Variants in RAPH1 observed in about 807,000 individuals in gnomAD.
RAPH1 encodes the protein Ras association (RalGDS/AF-6) and pleckstrin homology domains 1, also known as ras-associated and pleckstrin homology domains-containing protein 1.
Under a neutral mutation model 88.1 loss-of-function variants are expected in RAPH1, and 18 were observed. That is an observed-to-expected ratio of 0.20 (90% confidence interval 0.14 to 0.30). RAPH1 has a LOEUF of 0.30. Ranked by LOEUF, RAPH1 falls within the 10% of genes least tolerant of loss-of-function variation. The pLI is 1.00. For missense variants in RAPH1, 1,448 were observed against 1,543.2 expected (o/e 0.94, Z 1.03); for synonymous variants, 587 against 559.0 (o/e 1.05, Z -0.71).
intron 1 of RAPH1, among the ~76,000 whole-genome samples, chr2:203,521,086 C>T (rs149228937): frequency 0.029 from 4,361 of 152,154 alleles, 92 homozygotes; most frequent in South Asian, 0.065. Flanking sequence ...CGGAGTCTTG[C>T]TCTGTTGCCC....
rs181976847 is a variant in RAPH1, at chr2:203,506,025, G to A, written c.1-10672C>T. 3.9e-5 allele frequency among the ~76,000 whole-genome samples: 6 copies of A among 152,282 alleles called. No homozygotes were observed. The South Asian group carries it at 6.2e-4, about 16-fold the overall frequency. ...GAAAACGGTCTTGAAACTATGGAAA[G>A]CCTCACGAGGGAGGCAGCAGTATTT... On this transcript the variant is annotated intron_variant, in intron 1 of 13. Coordinates refer to ENST00000319170, the MANE Select transcript of RAPH1 (RefSeq NM_213589.3).
chr2:203,488,588 TAAAA>T (rs750783858), intron 4 of RAPH1, among the ~76,000 whole-genome samples: 5 of 36,652 alleles, frequency 1.4e-4, no homozygotes, highest in African/African-American at 2.2e-4. Context: ...CTCCGTCTAT[TAAAA>T]AAAAAAAAAA....
intron 4 of RAPH1, among the ~76,000 whole-genome samples, chr2:203,489,006 C>T (rs1688119033): frequency 6.6e-6 from 1 of 152,018 alleles, no homozygotes; most frequent in African/African-American, 2.4e-5. Flanking sequence ...CGCCTGTAAT[C>T]CCAGCTACAC....
intron 1 of RAPH1, among the ~76,000 whole-genome samples, chr2:203,530,543 G>A (rs1364348509): frequency 1.3e-5 from 2 of 152,000 alleles, no homozygotes; most frequent in South Asian, 2.1e-4. Context: ...CTGCCCCATC[G>A]CACCCCCAAA....
chr2:203,460,854 C>T (rs922351773), intron 6 of RAPH1, among the ~76,000 whole-genome samples: 1 of 152,070 alleles, frequency 6.6e-6, no homozygotes, highest in Non-Finnish European at 1.5e-5. Context: ...TGGTGGTTCA[C>T]GCCTGTAATC....
intron 3 of RAPH1, among the ~76,000 whole-genome samples, chr2:203,490,845 C>T (rs1013932963): frequency 5.3e-5 from 8 of 151,906 alleles, no homozygotes; most frequent in African/African-American, 1.7e-4. Context: ...GAGTTCGAGA[C>T]CAGCCTGGCC....
At chr2:203,475,905 C>A (rs529544128) in intron 4 of RAPH1, among the ~76,000 whole-genome samples, 6 of 151,998 alleles carry the variant, frequency 3.9e-5, no homozygotes, top group African/African-American at 1.2e-4. Context: ...TTATAAATTT[C>A]TTTTTCATTA....
chr2:203,459,800 C>G, intron 7 of RAPH1, 107 bp downstream of exon 7: 1 of 1,144,704 alleles, frequency 8.7e-7, no homozygotes, highest in South Asian at 1.4e-5. Flanking sequence ...GCAGGTATAT[C>G]GCTCCAACCA....
At chr2:203,496,304 GCCGAGAA>G (rs1378937286) in intron 1 of RAPH1, among the ~76,000 whole-genome samples, 3 of 152,158 alleles carry the variant, frequency 2.0e-5, no homozygotes, top group Non-Finnish European at 4.4e-5. Context: ...GTTGCAGAGA[GCCGAGAA>G]CATGCCACTG....
At chr2:203,515,000 G>A (rs953538610) in intron 1 of RAPH1, among the ~76,000 whole-genome samples, 1 of 152,124 alleles carries the variant, frequency 6.6e-6, no homozygotes, top group African/African-American at 2.4e-5. Flanking sequence ...ATGTGGTTTT[G>A]CATTCCCAAT....
intron 1 of RAPH1, among the ~76,000 whole-genome samples, chr2:203,521,727 A>G (rs1689881537): frequency 6.6e-6 from 1 of 152,000 alleles, no homozygotes; most frequent in East Asian, 1.9e-4. Context: ...GCATAAAGAG[A>G]ACACCCCCCC....
At chr2:203,481,600 T>C (rs1326017095) in intron 4 of RAPH1, among the ~76,000 whole-genome samples, 1 of 144,498 alleles carries the variant, frequency 6.9e-6, no homozygotes, top group Non-Finnish European at 1.5e-5. Flanking sequence ...TATATACACA[T>C]TTTTTTTTTG....
At chr2:203,457,990 G>T (rs1447020571) in intron 7 of RAPH1, among the ~76,000 whole-genome samples, 1 of 152,196 alleles carries the variant, frequency 6.6e-6, no homozygotes, top group African/African-American at 2.4e-5. Context: ...TCTAGGTGCA[G>T]AAAATTTATG....
At chr2:203,488,648 A>C (rs1581344254) in intron 4 of RAPH1, among the ~76,000 whole-genome samples, 1 of 150,786 alleles carries the variant, frequency 6.6e-6, no homozygotes, top group Admixed American at 6.6e-5. Context: ...TGTTCTCTGA[A>C]CCACCCTATC....
chr2:203,524,395 C>T (rs563982807), intron 1 of RAPH1, among the ~76,000 whole-genome samples: 2 of 152,136 alleles, frequency 1.3e-5, no homozygotes, highest in African/African-American at 4.8e-5. Context: ...ATACACCTAC[C>T]CTATAACCCA....
intron 13 of RAPH1, 141 bp downstream of exon 13, chr2:203,444,724 CACT>C (rs2098507914): frequency 1.5e-6 from 1 of 680,846 alleles, no homozygotes; most frequent in Admixed American, 3.0e-5. Context: ...TGTCTTTACC[CACT>C]ACAATTAGGA....
chr2:203,506,775 TATATCTAG>T lies in RAPH1; in HGVS notation c.1-11430_1-11423del, dbSNP rs1357590179. 4.1e-5 allele frequency among the ~76,000 whole-genome samples: 5 copies of T among 122,330 alleles called. 1 individual carries two copies. The highest frequency in any genetic ancestry group is 1.8e-4 in the African/African-American group (5 of 28,192). 80.3% of individuals were successfully genotyped at this position (122,330 alleles called of 152,430 possible). ...ATATATATCTATATATATATCTATA[TATATCTAG>T]ATATATATATCTATATATATATCTA... is the stretch of plus-strand genomic sequence containing the variant. On this transcript the variant is annotated intron_variant, in intron 1 of 13. Transcript: ENST00000319170.
At chr2:203,443,186 TA>T (rs1315384983) in intron 13 of RAPH1, 2 of 152,116 alleles carry the variant, frequency 1.3e-5, no homozygotes, top group Non-Finnish European at 2.9e-5. Flanking sequence ...AATGAAGGAA[TA>T]AAAGGAAAAA....
intron 4 of RAPH1, among the ~76,000 whole-genome samples, 164 bp downstream of exon 4, chr2:203,489,420 A>G (rs1688140281): frequency 6.6e-6 from 1 of 152,208 alleles, no homozygotes; most frequent in Admixed American, 6.5e-5. Context: ...TGCCACTACC[A>G]TATCTGATAA....
Sources: gnomAD v4.1 joint callset for allele counts (sites outside exome capture counted in the v4.1 genomes callset) on GRCh38, gnomAD v4.1.1 for gene constraint, MANE v1.5 for transcripts, NCBI Gene and HGNC (gene_info 2026-07-23, HGNC 2026-07-21) for gene names.